Variants in RGS6 observed in about 807,000 individuals in gnomAD.
RGS6 encodes the protein regulator of G protein signaling 6.
RGS6 carries 30 observed loss-of-function variants against 78.5 expected under a neutral mutation model. That is an observed-to-expected ratio of 0.38 (90% CI 0.29 to 0.52). RGS6 has a LOEUF of 0.52. Ranked by LOEUF, RGS6 falls within the 20% of genes least tolerant of loss-of-function variation. RGS6 has a pLI of 0.85. For missense variants in RGS6, 495 were observed against 609.7 expected, an observed-to-expected ratio of 0.81 and a Z score of 1.98; for synonymous variants, 206 against 206.0, an observed-to-expected ratio of 1.00 and a Z score of 0.00.
At position 72,475,596 on chromosome 14, in the gene RGS6, G is replaced by A. The variant is rs559784806; in HGVS notation, c.693+897G>A. 2.6e-5 allele frequency among the ~76,000 whole-genome samples: 4 copies of A among 152,198 alleles called. No homozygotes were observed. The East Asian group carries it at 7.7e-4, about 29-fold the overall frequency. ...AATACACAATTAGCTGGGCACAGTG[G>A]TGCATACCTGTAATCCCAGCTTCTT... On this transcript the variant is annotated intron_variant, in intron 10 of 17. Coordinates refer to ENST00000553525, the MANE Select transcript of RGS6 (RefSeq NM_001204424.2).
intron 2 of RGS6, among the ~76,000 whole-genome samples, chr14:72,333,551 G>A (rs1011206146): frequency 2.6e-5 from 4 of 152,172 alleles, no homozygotes; most frequent in Non-Finnish European, 4.4e-5. Flanking sequence ...GTATTTACTC[G>A]GTTGGCACTT....
intron 2 of RGS6, among the ~76,000 whole-genome samples, chr14:72,105,245 C>A (rs2095609959): frequency 6.6e-6 from 1 of 152,146 alleles, no homozygotes; most frequent in African/African-American, 2.4e-5. Context: ...TGTGGTTTTG[C>A]CTCTAATAAA....
In RGS6 at chr14:72,454,689, A is replaced by G. The variant is rs534147112; in HGVS notation, c.235+111A>G. ...CCTGAGAACTGGTCTTGTAAATGTG[A>G]ATTCCAAGACGTGGAATCACTCTAT... On this transcript the variant is annotated intron_variant, in intron 4 of 17. Transcript: ENST00000553525. 44 of 752,610 alleles carry G rather than the reference A, an allele frequency of 5.8e-5. No homozygotes were observed. In the Admixed American group the frequency reaches 7.2e-4, roughly 12 times the overall value. The allele number at this position is 752,610 out of a possible 1,614,324, so 46.6% of individuals were successfully genotyped here. A position where few individuals can be genotyped will look rare whatever the true frequency, so the allele number is the denominator to read the frequency against.
intron 2 of RGS6, among the ~76,000 whole-genome samples, chr14:72,066,807 A>ATTT (rs1200345452): frequency 6.7e-6 from 1 of 148,402 alleles, no homozygotes; most frequent in Non-Finnish European, 1.5e-5. Context: ...CTTTAGAGGC[A>ATTT]ATTTTTTTTT....
chr14:72,293,508 TCTC>T (rs1567682498), intron 2 of RGS6, among the ~76,000 whole-genome samples: 3 of 151,894 alleles, frequency 2.0e-5, no homozygotes, highest in African/African-American at 7.3e-5. Flanking sequence ...CCACTTCCTC[TCTC>T]CTCCTTCCTT....
chr14:72,607,701 C>T, the RGS6 span, among the ~76,000 whole-genome samples: 11 of 152,146 alleles, frequency 7.2e-5, no homozygotes, highest in Non-Finnish European at 1.3e-4. Flanking sequence ...GAGCCTAAGT[C>T]CCCCTGATTG....
At chr14:71,946,469 C>T (rs1595035247) in intron 1 of RGS6, among the ~76,000 whole-genome samples, 1 of 152,282 alleles carries the variant, frequency 6.6e-6, no homozygotes, top group East Asian at 1.9e-4. Flanking sequence ...CATCTATCTT[C>T]CTACCAAGGA....
intron 2 of RGS6, among the ~76,000 whole-genome samples, chr14:72,219,129 C>G (rs894791723): frequency 6.6e-6 from 1 of 151,828 alleles, no homozygotes; most frequent in Non-Finnish European, 1.5e-5. Context: ...AAATTGACCA[C>G]CAAAAGGATA....
chr14:72,389,956 T>G (rs2089470003), intron 3 of RGS6, among the ~76,000 whole-genome samples: 1 of 152,194 alleles, frequency 6.6e-6, no homozygotes, highest in Admixed American at 6.5e-5. Context: ...AAGTCCAACT[T>G]GTATCATTAA....
the RGS6 span, among the ~76,000 whole-genome samples, chr14:71,910,806 TCA>T: frequency 6.6e-6 from 1 of 152,176 alleles, no homozygotes; most frequent in African/African-American, 2.4e-5. Flanking sequence ...GGTGCTATTC[TCA>T]GAGTGGAAAC....
At chr14:72,446,287 T>A (rs1467802328) in intron 3 of RGS6, among the ~76,000 whole-genome samples, 1 of 152,150 alleles carries the variant, frequency 6.6e-6, no homozygotes, top group Non-Finnish European at 1.5e-5. Flanking sequence ...GCCACCCAGT[T>A]TGTGATACCT....
At chr14:72,016,504 T>A (rs1457181429) in intron 2 of RGS6, among the ~76,000 whole-genome samples, 1 of 152,232 alleles carries the variant, frequency 6.6e-6, no homozygotes, top group Non-Finnish European at 1.5e-5. Flanking sequence ...TAGCTGGGAC[T>A]ACAGGTGCCT....
chr14:72,266,237 T>C (rs1365164380), intron 2 of RGS6, among the ~76,000 whole-genome samples: 1 of 152,184 alleles, frequency 6.6e-6, no homozygotes, highest in East Asian at 1.9e-4. Flanking sequence ...CTGGAAGGCA[T>C]GTTCAGCTGG....
At chr14:72,231,104 G>T (rs996055872) in intron 2 of RGS6, among the ~76,000 whole-genome samples, 2 of 152,144 alleles carry the variant, frequency 1.3e-5, no homozygotes, top group South Asian at 2.1e-4. Context: ...GTCTCAAGGG[G>T]AGATCTTGAC....
chr14:71,905,142 C>G, the RGS6 span, among the ~76,000 whole-genome samples: 2 of 152,238 alleles, frequency 1.3e-5, no homozygotes, highest in Admixed American at 6.5e-5. Flanking sequence ...TGAAGTCACT[C>G]TCTGCCCTTG....
At chr14:71,869,275 G>A in the RGS6 span, among the ~76,000 whole-genome samples, 1 of 152,194 alleles carries the variant, frequency 6.6e-6, no homozygotes, top group African/African-American at 2.4e-5. Context: ...GATGCTAGCA[G>A]CTAGAGATGA....
intron 2 of RGS6, among the ~76,000 whole-genome samples, chr14:72,021,223 C>T (rs77962278): frequency 0.018 from 2,814 of 152,288 alleles, 86 homozygotes; most frequent in African/African-American, 0.064. Flanking sequence ...TTCTTTCCCA[C>T]AGCCGTTGTG....
intron 15 of RGS6, among the ~76,000 whole-genome samples, chr14:72,520,563 T>A (rs938787341): frequency 3.9e-5 from 6 of 152,214 alleles, no homozygotes; most frequent in African/African-American, 1.2e-4. Flanking sequence ...TCTTCACTTA[T>A]TAGCTGGAAT....
intron 2 of RGS6, among the ~76,000 whole-genome samples, chr14:72,188,600 A>T (rs149639): frequency 0.18 from 27,760 of 152,158 alleles, 2,752 homozygotes; most frequent in East Asian, 0.35. Flanking sequence ...AGTCATTGTT[A>T]CGTTGCATTC....
Sources: gnomAD v4.1 joint callset for allele counts (sites outside exome capture counted in the v4.1 genomes callset) on GRCh38, gnomAD v4.1.1 for gene constraint, MANE v1.5 for transcripts, NCBI Gene and HGNC (gene_info 2026-07-23, HGNC 2026-07-21) for gene names.